Variants in XKR4 observed in about 807,000 individuals in gnomAD.
XKR4 encodes XK related 4.
In XKR4, 12 loss-of-function variants were observed where a neutral mutation model predicts 53.9. That is an observed-to-expected ratio of 0.22 (90% CI 0.14 to 0.36). XKR4 has a LOEUF of 0.36. XKR4 is among the 10% of genes least tolerant of loss of function. The pLI is 1.00. For missense variants in XKR4, 799 were observed against 859.5 expected (o/e 0.93, Z 0.88); for synonymous variants, 354 against 362.4 (o/e 0.98, Z 0.26).
At chr8:55,159,630 G>A (rs1445729618) in intron 1 of XKR4, among the ~76,000 whole-genome samples, 1 of 152,196 alleles carries the variant, frequency 6.6e-6, no homozygotes, top group Non-Finnish European at 1.5e-5. Context: ...GATGAGGAAT[G>A]ACTTGTAAAC....
intron 2 of XKR4, among the ~76,000 whole-genome samples, chr8:55,375,200 T>G (rs529040412): frequency 6.6e-6 from 1 of 152,306 alleles, no homozygotes; most frequent in Admixed American, 6.5e-5. Flanking sequence ...AAAATAATTT[T>G]AAAGATCTAA....
At chr8:55,111,138 A>T (rs1354249136) in intron 1 of XKR4, among the ~76,000 whole-genome samples, 1 of 152,198 alleles carries the variant, frequency 6.6e-6, no homozygotes, top group Non-Finnish European at 1.5e-5. Context: ...GGTCTCCAAT[A>T]GCAGCAGATT....
At chr8:55,381,157 A>G (rs1170768265) in intron 2 of XKR4, among the ~76,000 whole-genome samples, 2 of 152,262 alleles carry the variant, frequency 1.3e-5, no homozygotes, top group South Asian at 2.1e-4. Flanking sequence ...AAAAGTAATT[A>G]TTTTCATTTC....
intron 1 of XKR4, among the ~76,000 whole-genome samples, chr8:55,252,887 A>G (rs1385477905): frequency 1.3e-5 from 2 of 152,186 alleles, no homozygotes; most frequent in Non-Finnish European, 2.9e-5. Flanking sequence ...CAGAAAGAGT[A>G]CAGACCAAAT....
intron 2 of XKR4, among the ~76,000 whole-genome samples, chr8:55,375,475 T>C (rs1804132623): frequency 6.6e-6 from 1 of 152,174 alleles, no homozygotes. Flanking sequence ...TACCTCTTCC[T>C]GCCCAAGGTC....
chr8:55,394,546 T>C (rs1460433175), intron 2 of XKR4, among the ~76,000 whole-genome samples: 1 of 152,216 alleles, frequency 6.6e-6, no homozygotes, highest in Non-Finnish European at 1.5e-5. Flanking sequence ...TAATTACACA[T>C]TGATGGAGGG....
At chr8:55,421,110 C>T (rs1329202274) in intron 2 of XKR4, among the ~76,000 whole-genome samples, 1 of 152,200 alleles carries the variant, frequency 6.6e-6, no homozygotes. Flanking sequence ...CAAGCCCTTG[C>T]TTTATTTCTC....
intron 2 of XKR4, chr8:55,453,822 A>C (rs1585582073): frequency 2.1e-6 from 1 of 480,640 alleles, no homozygotes; most frequent in East Asian, 5.4e-5. Flanking sequence ...TCATCCACCC[A>C]CCTCTGTGCC....
intron 2 of XKR4, among the ~76,000 whole-genome samples, chr8:55,392,106 G>A (rs1002857195): frequency 2.0e-5 from 3 of 152,320 alleles, no homozygotes; most frequent in Non-Finnish European, 2.9e-5. Context: ...TAACTTGTCA[G>A]GATGAGCTCA....
chr8:55,161,309 A>G (rs780440123), intron 1 of XKR4, among the ~76,000 whole-genome samples: 80 of 152,192 alleles, frequency 5.3e-4, no homozygotes, highest in Non-Finnish European at 1.0e-3. Context: ...CTTTCCCAGA[A>G]AAAAAAGAGA....
At chr8:55,515,907 C>T (rs1806705680) in intron 2 of XKR4, among the ~76,000 whole-genome samples, 1 of 152,194 alleles carries the variant, frequency 6.6e-6, no homozygotes, top group Non-Finnish European at 1.5e-5. Context: ...GATGTCCCTG[C>T]ACTTGTAAGT....
At chr8:55,475,909 A>G (rs2939661) in intron 2 of XKR4, among the ~76,000 whole-genome samples, 116,109 of 151,634 alleles carry the variant, frequency 0.77, 45,219 homozygotes, top group African/African-American at 0.91. Context: ...CCTCACACTC[A>G]CTATTTTTCT....
At chr8:55,303,137 CATAG>C (rs1197838345) in intron 1 of XKR4, among the ~76,000 whole-genome samples, 1 of 152,274 alleles carries the variant, frequency 6.6e-6, no homozygotes, top group East Asian at 1.9e-4. Context: ...GTGGGTTTGT[CATAG>C]ATAGATCTTA....
intron 2 of XKR4, among the ~76,000 whole-genome samples, chr8:55,443,444 T>C (rs571557761): frequency 6.8e-6 from 1 of 147,202 alleles, no homozygotes; most frequent in South Asian, 2.2e-4. Context: ...ATTGAGGTTG[T>C]TTAAAAAATC....
chr8:55,105,607 C>T (rs1014222152), intron 1 of XKR4, among the ~76,000 whole-genome samples: 11 of 152,272 alleles, frequency 7.2e-5, no homozygotes, highest in Non-Finnish European at 1.5e-4. Context: ...TATTTGTCAA[C>T]ATTTTCAGAA....
chr8:55,379,605 G>C (rs1361712738), intron 2 of XKR4, among the ~76,000 whole-genome samples: 1 of 152,320 alleles, frequency 6.6e-6, no homozygotes, highest in Non-Finnish European at 1.5e-5. Flanking sequence ...AGCATTTCCC[G>C]GGTGCTGGTG....
intron 2 of XKR4, among the ~76,000 whole-genome samples, chr8:55,371,324 T>C (rs1563334697): frequency 6.6e-6 from 1 of 152,000 alleles, no homozygotes; most frequent in Admixed American, 6.6e-5. Flanking sequence ...GTGATCAGTC[T>C]CCACAAAGCA....
chr8:55,204,627 A>G (rs1294444581), intron 1 of XKR4, among the ~76,000 whole-genome samples: 1 of 152,218 alleles, frequency 6.6e-6, no homozygotes, highest in African/African-American at 2.4e-5. Flanking sequence ...ACACATGAAC[A>G]AAAAACCTGG....
chr8:55,367,251 G>T (rs934881660), intron 2 of XKR4, among the ~76,000 whole-genome samples: 5 of 151,980 alleles, frequency 3.3e-5, no homozygotes, highest in Non-Finnish European at 5.9e-5. Context: ...GTGTGTGTGT[G>T]TTTCTGGATT....
Sources: gnomAD v4.1 joint callset for allele counts (sites outside exome capture counted in the v4.1 genomes callset) on GRCh38, gnomAD v4.1.1 for gene constraint, MANE v1.5 for transcripts, NCBI Gene and HGNC (gene_info 2026-07-23, HGNC 2026-07-21) for gene names.